Variants in MFN2 observed in about 807,000 individuals in gnomAD.
MFN2 encodes the protein mitofusin-2.
In MFN2, 43 loss-of-function variants were observed where a neutral mutation model predicts 87.5. The observed-to-expected ratio is 0.49, with a 90% CI of 0.38 to 0.63. The LOEUF is 0.63. MFN2 is among the 30% of genes least tolerant of loss of function. The pLI, the probability that MFN2 is intolerant of heterozygous loss-of-function variation, is 0.00. For synonymous variants in MFN2, 337 were observed against 359.9 expected, an observed-to-expected ratio of 0.94 and a Z score of 0.72; for missense variants, 743 against 972.8, an observed-to-expected ratio of 0.76 and a Z score of 3.14.
intron 2 of MFN2, among the ~76,000 whole-genome samples, chr1:11,985,723 C>T (rs1638372565): frequency 6.6e-6 from 1 of 152,130 alleles, no homozygotes; most frequent in East Asian, 1.9e-4. Context: ...CTGCCTCGGC[C>T]TCCCAAAGTG....
chr1:12,007,300 GC>G (rs1223625444), intron 17 of MFN2, 51 bp downstream of exon 17: 4 of 1,586,186 alleles, frequency 2.5e-6, no homozygotes, highest in Middle Eastern at 3.4e-4. Flanking sequence ...GGCAGGGTCA[GC>G]CCCATCTCCC....
chr1:12,007,286 T>C lies in MFN2; in HGVS notation c.2069+37T>C, dbSNP rs1320740913. 6.2e-6 allele frequency: 10 copies of C among 1,604,062 alleles called. No individual in the cohort carries two copies. In the Admixed American group the frequency reaches 1.5e-4, roughly 25 times the overall value. On this transcript the variant is annotated intron_variant, in intron 17 of 18. Transcript: ENST00000235329. ...TGTCGGACCCCAGCAGGGGACTTCC[T>C]TTAGGCAGGGTCAGCCCCATCTCCC...
chr1:12,003,218 G>A lies in MFN2; in HGVS notation c.1161-774G>A, dbSNP rs1486912712. On this transcript the variant is annotated intron_variant, in intron 11 of 18. Coordinates refer to ENST00000235329, the MANE Select transcript of MFN2 (RefSeq NM_014874.4). The surrounding 1 kb of genome is among the most constrained non-coding windows in gnomAD (Gnocchi z 4.1). ...CTGTTTTAGGGTACACGCGTTTCCA[G>A]TTTTAGTCAGTTTTCTTGATGCTCT... Among the ~76,000 whole-genome samples the A allele has an allele frequency of 1.3e-5, 2 of 151,192 alleles. No individual in the cohort carries two copies. The highest frequency in any genetic ancestry group is 3.0e-5 in the Non-Finnish European group (2 of 67,770).
intron 7 of MFN2, 31 bp downstream of exon 7, chr1:11,998,909 C>G: frequency 6.2e-7 from 1 of 1,613,440 alleles, no homozygotes; most frequent in Non-Finnish European, 8.5e-7. Flanking sequence ...TCCCAAGCTC[C>G]CAGCACCCCC....
At chr1:11,989,435 C>T in intron 3 of MFN2, 92 bp downstream of exon 3, 2 of 1,422,506 alleles carry the variant, frequency 1.4e-6, no homozygotes, top group Non-Finnish European at 1.9e-6. Flanking sequence ...TCTCTGCTCC[C>T]AGGGAAGTCA....
chr1:11,985,666 C>T (rs1363912231), intron 2 of MFN2, among the ~76,000 whole-genome samples: 1 of 152,020 alleles, frequency 6.6e-6, no homozygotes, highest in East Asian at 1.9e-4. Context: ...CGGGGTTTCA[C>T]CATGTTGGCT....
chr1:12,003,502 TA>T lies in MFN2; in HGVS notation c.1161-485del, dbSNP rs1639266107. ...CAACACGGAGAAACCCTGTCTCTGC[TA>T]AAAATACAAAATTAGCTGGGTGTGG... On this transcript the variant is annotated intron_variant, in intron 11 of 18. Transcript: ENST00000235329. This position sits in a 1 kb window ranked among gnomAD's most constrained non-coding sequence, Gnocchi z 4.1. Among the ~76,000 whole-genome samples the T allele has an allele frequency of 6.6e-6, 1 of 152,156 alleles. No homozygotes were observed. The highest frequency in any genetic ancestry group is 1.5e-5 in the Non-Finnish European group (1 of 68,026).
intron 1 of MFN2, among the ~76,000 whole-genome samples, 177 bp downstream of exon 1, chr1:11,980,661 G>A (rs933926824): frequency 6.6e-6 from 1 of 152,216 alleles, no homozygotes; most frequent in Non-Finnish European, 1.5e-5. Context: ...AGAGGAGGGG[G>A]CGGGCCACGG....
At position 11,992,348 on chromosome 1, in the gene MFN2, G is replaced by A. The variant is rs6675934; in HGVS notation, c.176-207G>A. 551,363 of 633,070 alleles carry A rather than the reference G, an allele frequency of 0.87. 241,583 individuals carry two copies. Among genetic ancestry groups the A allele is most frequent in the East Asian group, 1 (35,368 of 35,376 alleles). The allele number at this position is 633,070 out of a possible 1,614,324, so 39.2% of individuals were successfully genotyped here. A position where few individuals can be genotyped will look rare whatever the true frequency, so the allele number is the denominator to read the frequency against. On this transcript the variant is annotated intron_variant, in intron 3 of 18. Coordinates refer to ENST00000235329, the MANE Select transcript of MFN2 (RefSeq NM_014874.4). The stretch of plus-strand genomic sequence containing the variant: ...TAGAAAGTGGTAAGAACCAGCTTCA[G>A]AACCAGGCAGTGTTGCTCCTGAGCC...
At chr1:12,009,193 AGAGAGGGAGAGGGAGACCGTGGG>A (rs1287473795) in intron 17 of MFN2, among the ~76,000 whole-genome samples, 26 of 152,188 alleles carry the variant, frequency 1.7e-4, no homozygotes, top group African/African-American at 4.6e-4. Flanking sequence ...GACCGTGGAA[AGAGAGGGAGAGGGAGACCGTGGG>A]GAGAGGGAGA....
chr1:12,006,201 A>G (rs1639407223), intron 15 of MFN2, among the ~76,000 whole-genome samples: 1 of 151,878 alleles, frequency 6.6e-6, no homozygotes, highest in Admixed American at 6.5e-5. Context: ...CGACTTTAAA[A>G]ATAACCACCT....
rs1275026671 is a variant in MFN2 at position 12,011,858 on chromosome 1, T to C, written c.*293T>C. ...CTTTTTCCAGCTTTCTCTGGTTCATTTGATTGCTTGATAAGGCCTCAGGAT... is the reference window on the plus strand; with the variant it reads ...CTTTTTCCAGCTTTCTCTGGTTCATCTGATTGCTTGATAAGGCCTCAGGAT... On this transcript the variant is annotated 3_prime_UTR_variant, in exon 19 of 19. Transcript: ENST00000235329. 1.8e-5 allele frequency: 9 copies of C among 505,716 alleles called. No homozygotes were observed. Among genetic ancestry groups the C allele is most frequent in the Admixed American group, 6.4e-5 (2 of 31,022 alleles). 31.3% of individuals were successfully genotyped at this position (505,716 alleles called of 1,614,324 possible). A position where few individuals can be genotyped will look rare whatever the true frequency, so the allele number is the denominator to read the frequency against.
intron 3 of MFN2, 135 bp from the exon 4 acceptor site, chr1:11,992,420 C>T: frequency 9.0e-7 from 1 of 1,107,576 alleles, no homozygotes; most frequent in Non-Finnish European, 1.4e-6. Context: ...GGATCTGGAG[C>T]TCAGCCTGTC....
chr1:12,009,340 T>C (rs1054544039), intron 17 of MFN2, among the ~76,000 whole-genome samples: 2 of 152,204 alleles, frequency 1.3e-5, no homozygotes, highest in Admixed American at 1.3e-4. Context: ...TCAGGATCTC[T>C]TGTGCCCAAA....
In MFN2 at chr1:12,011,634, CCCAGGGGCACGTGTGGCTCCT is replaced by C. The variant is rs1161149388; in HGVS notation, c.*70_*90del. 2.6e-6 allele frequency: 4 copies of C among 1,545,036 alleles called. No individual in the cohort carries two copies. The highest frequency in any genetic ancestry group is 2.7e-6 in the Non-Finnish European group (3 of 1,120,176). On this transcript the variant is annotated 3_prime_UTR_variant, in exon 19 of 19. Coordinates refer to ENST00000235329, the MANE Select transcript of MFN2 (RefSeq NM_014874.4). ...CAGCCCTAAGTGCCATGTGGGCTCC[CCCAGGGGCACGTGTGGCTCCT>C]GCCCCCTGGCCACTGCCAAGAGAAT...
chr1:12,000,579 G>C (rs1396807284), intron 8 of MFN2, among the ~76,000 whole-genome samples: 1 of 152,194 alleles, frequency 6.6e-6, no homozygotes, highest in African/African-American at 2.4e-5. Flanking sequence ...GTGATAAATA[G>C]ACTTGTTGAG....
At position 12,003,211 on chromosome 1, in the gene MFN2, G is replaced by A. The variant is rs923013782; in HGVS notation, c.1161-781G>A. Among the ~76,000 whole-genome samples the A allele has an allele frequency of 2.0e-5, 3 of 151,858 alleles. No individual in the cohort carries two copies. Among genetic ancestry groups the A allele is most frequent in the African/African-American group, 2.4e-5 (1 of 41,328 alleles). ...GGCAATTCTGTTTTAGGGTACACGC[G>A]TTTCCAGTTTTAGTCAGTTTTCTTG... On this transcript the variant is annotated intron_variant, in intron 11 of 18. Transcript: ENST00000235329. This position sits in a 1 kb window ranked among gnomAD's most constrained non-coding sequence, Gnocchi z 4.1.
chr1:11,997,332 C>T lies in MFN2; in HGVS notation c.510C>T (p.Asp170=), dbSNP rs2100826208. The change falls in exon 6 of 19, where the codon GAC becomes GAT. Residue 170 remains aspartate, a synonymous_variant. Coordinates refer to ENST00000235329, the MANE Select transcript of MFN2 (RefSeq NM_014874.4). ...AGCTGGCCCATGCCCTCCACCAGGA[C>T]AAGCAGCTCCATGCCGGCAGCCTAG... ...VNQLAHALHQ[D]KQLHAGSLVS... 1.2e-6 allele frequency: 2 copies of T among 1,614,202 alleles called. No individual in the cohort carries two copies. The highest frequency in any genetic ancestry group is 1.7e-6 in the Non-Finnish European group (2 of 1,180,028).
intron 15 of MFN2, 42 bp downstream of exon 15, chr1:12,005,973 G>T (rs1291850564): frequency 1.3e-6 from 2 of 1,580,034 alleles, no homozygotes; most frequent in Non-Finnish European, 1.7e-6. Context: ...TGGGGGGTCA[G>T]TCTGTACCCT....
Sources: allele counts gnomAD v4.1 joint callset (sites outside exome capture counted in the v4.1 genomes callset), GRCh38; gene constraint gnomAD v4.1.1; non-coding constraint Gnocchi (gnomAD v3.1); transcripts MANE v1.5; gene names NCBI Gene and HGNC (gene_info 2026-07-23, HGNC 2026-07-21).